Variants in CASP4 observed in about 807,000 individuals in gnomAD.
CASP4 encodes the protein caspase-4.
In CASP4, 29 loss-of-function variants were observed where a neutral mutation model predicts 41.3. The observed-to-expected ratio is 0.70, with a 90% confidence interval of 0.52 to 0.96. CASP4 has a LOEUF of 0.96. CASP4 is among the 40% of genes least tolerant of loss of function. The pLI, the probability that CASP4 is intolerant of heterozygous loss-of-function variation, is 0.00. For missense variants in CASP4, 447 were observed against 460.6 expected, an observed-to-expected ratio of 0.97 and a Z score of 0.27; for synonymous variants, 185 against 158.4, an observed-to-expected ratio of 1.17 and a Z score of -1.26.
chr11:104,950,929 GC>G lies in CASP4; in HGVS notation c.541del (p.Ala181ProfsTer8), dbSNP rs1241662077. ...YSVDVEENLTARDMESALRAF... is the reference protein window; with the variant it reads ...YSVDVEENLTXRDMESALRAF... ...TGGCGGCTGAGGGATTCTTACCCTG[GC>G]TGTCAGATTCTCTTCTACATCTACA... On this transcript the variant is annotated frameshift_variant, in exon 4 of 9. Coordinates refer to ENST00000444739, the MANE Select transcript of CASP4 (RefSeq NM_001225.4). LOFTEE classifies it high-confidence loss of function. 3.7e-6 allele frequency: 6 copies of G among 1,609,976 alleles called. No homozygotes were observed. The highest frequency in any genetic ancestry group is 5.1e-6 in the Non-Finnish European group (6 of 1,178,028).
intron 4 of CASP4, among the ~76,000 whole-genome samples, chr11:104,950,412 G>T (rs1166546446): frequency 1.3e-5 from 2 of 151,914 alleles, no homozygotes; most frequent in South Asian, 4.2e-4. Flanking sequence ...CTGTCTTGTC[G>T]CTGTTTTGTA....
At chr11:104,950,571 C>G (rs144601934) in intron 4 of CASP4, among the ~76,000 whole-genome samples, 2 of 151,958 alleles carry the variant, frequency 1.3e-5, no homozygotes, top group Non-Finnish European at 2.9e-5. Flanking sequence ...CTCTTAGCAC[C>G]AAGTTTAGGA....
chr11:104,967,450 G>A (rs137997986), intron 1 of CASP4, among the ~76,000 whole-genome samples: 281 of 152,178 alleles, frequency 1.8e-3, no homozygotes, highest in African/African-American at 6.5e-3. Flanking sequence ...TGTTTCAAAA[G>A]GTAGAAAAAA....
At chr11:104,956,721 G>GT (rs1860745135) in intron 1 of CASP4, 1 of 746,210 alleles carries the variant, frequency 1.3e-6, no homozygotes, top group African/African-American at 1.9e-5. Context: ...AAAAATGTTA[G>GT]TCTTGCAACA....
chr11:104,959,927 A>G (rs1170206261), intron 1 of CASP4, among the ~76,000 whole-genome samples: 1 of 152,198 alleles, frequency 6.6e-6, no homozygotes, highest in South Asian at 2.1e-4. Context: ...AATTCATAAG[A>G]ACTTTATCAA....
At chr11:104,958,505 A>G (rs1003059177) in intron 1 of CASP4, among the ~76,000 whole-genome samples, 2 of 152,210 alleles carry the variant, frequency 1.3e-5, no homozygotes, top group Non-Finnish European at 2.9e-5. Context: ...CATACAGAGA[A>G]TATGTATATG....
At chr11:104,961,738 T>G (rs981906783) in intron 1 of CASP4, among the ~76,000 whole-genome samples, 1 of 152,174 alleles carries the variant, frequency 6.6e-6, no homozygotes, top group African/African-American at 2.4e-5. Context: ...GAAGGCCTTC[T>G]GTCTGTCTCA....
chr11:104,952,043 C>A (rs775150421), intron 2 of CASP4, 38 bp from the exon 3 acceptor site: 53 of 1,248,486 alleles, frequency 4.2e-5, no homozygotes, highest in Non-Finnish European at 5.6e-5. Flanking sequence ...TGATTTCTGC[C>A]TCTGTGACCC....
intron 1 of CASP4, among the ~76,000 whole-genome samples, chr11:104,962,025 G>A (rs560350350): frequency 6.6e-6 from 1 of 152,324 alleles, no homozygotes; most frequent in Admixed American, 6.5e-5. Flanking sequence ...TTGATATTGG[G>A]TGCTGAACGA....
rs112649653 is a variant in CASP4 at position 104,951,036 on chromosome 11, C to T, written c.435G>A (p.Glu145=). ...CATTCCTCGGAGGCAGATGGTCAAA[C>T]TCTGTATTGCATATGATGAGAGCCA... ...TRLALIICNT[E]FDHLPPRNGA... is the part of the protein sequence containing the mutation. Residue 145 remains glutamate, a synonymous_variant, in exon 4 of 9, where the codon GAG becomes GAA. Coordinates refer to ENST00000444739, the MANE Select transcript of CASP4 (RefSeq NM_001225.4). The T allele has an allele frequency of 1.1e-4, 176 of 1,613,384 alleles. No homozygotes were observed. In the African/African-American group the frequency reaches 1.7e-3, roughly 16 times the overall value.
intron 7 of CASP4, 83 bp from the exon 8 acceptor site, chr11:104,944,934 C>T: frequency 3.2e-6 from 3 of 946,734 alleles, no homozygotes; most frequent in Non-Finnish European, 5.1e-6. Context: ...CAGACAACAC[C>T]TGGAATGAAG....
At chr11:104,967,603 A>G (rs1434459684) in intron 1 of CASP4, among the ~76,000 whole-genome samples, 2 of 152,196 alleles carry the variant, frequency 1.3e-5, no homozygotes, top group Non-Finnish European at 2.9e-5. Flanking sequence ...TAATAGAACA[A>G]ACCTATGTCA....
chr11:104,966,660 C>T (rs7119869), intron 1 of CASP4, among the ~76,000 whole-genome samples: 4,127 of 152,100 alleles, frequency 0.027, 178 homozygotes, highest in African/African-American at 0.087. Context: ...TCTCGTGTAA[C>T]CAGAAAACTG....
chr11:104,966,270 C>T (rs754091395), intron 1 of CASP4, among the ~76,000 whole-genome samples: 6 of 152,018 alleles, frequency 3.9e-5, no homozygotes, highest in Non-Finnish European at 7.4e-5. Flanking sequence ...ATGATAGTTG[C>T]ATGTTGGATA....
Position 104,948,534 on chromosome 11 carries a change from T to C in CASP4, c.924A>G (p.Pro308=). The C allele has an allele frequency of 6.2e-7, 1 of 1,601,526 alleles. No individual in the cohort carries two copies. Among genetic ancestry groups the C allele is most frequent in the South Asian group, 1.1e-5 (1 of 88,730 alleles). ...KDFIAFCSST[P]HNVSWRDSTM... ...TTACTGCCACTGAAAGATACATACG[T>C]GGCGTTGAAGAGCAGAAAGCAATGA... Residue 308 remains proline, a splice_region_variant and synonymous_variant, in exon 6 of 9, where the codon CCA becomes CCG. Coordinates refer to ENST00000444739, the MANE Select transcript of CASP4 (RefSeq NM_001225.4).
intron 8 of CASP4, chr11:104,944,519 G>T: frequency 2.2e-6 from 1 of 453,528 alleles, no homozygotes; most frequent in Non-Finnish European, 4.0e-6. Flanking sequence ...ATTCTGCTGC[G>T]GTTTTCCTTA....
intron 6 of CASP4, 67 bp downstream of exon 6, chr11:104,948,466 T>C: frequency 1.4e-6 from 2 of 1,424,822 alleles, no homozygotes; most frequent in Non-Finnish European, 1.9e-6. Context: ...GGATTCTTGA[T>C]TTTCTAGATT....
At chr11:104,968,047 C>T (rs900627057) in intron 1 of CASP4, among the ~76,000 whole-genome samples, 1 of 151,754 alleles carries the variant, frequency 6.6e-6, no homozygotes, top group African/African-American at 2.4e-5. Flanking sequence ...TCAGGACCAA[C>T]GAGAAAGAGG....
At chr11:104,947,021 A>G in intron 7 of CASP4, 62 bp downstream of exon 7, 2 of 1,194,648 alleles carry the variant, frequency 1.7e-6, no homozygotes, top group Non-Finnish European at 2.5e-6. Context: ...GTGAAGTAAA[A>G]AGTGAATCAT....
Sources: gnomAD v4.1 joint callset for allele counts (sites outside exome capture counted in the v4.1 genomes callset) on GRCh38, gnomAD v4.1.1 for gene constraint, MANE v1.5 for transcripts, NCBI Gene and HGNC (gene_info 2026-07-23, HGNC 2026-07-21) for gene names.